PCDHGA8: variants seen among roughly 807,000 people sequenced by gnomAD.
PCDHGA8 encodes protocadherin gamma subfamily A, 8, also known as protocadherin gamma-A8.
Under a neutral mutation model 59.2 loss-of-function variants are expected in PCDHGA8, and 45 were observed. The observed-to-expected ratio is 0.76, with a 90% CI of 0.60 to 0.98. The LOEUF is 0.98. PCDHGA8 is among the 50% of genes least tolerant of loss of function. The probability of loss-of-function intolerance (pLI) is 0.00; values close to 1 mark genes in which losing one functional copy is unlikely to be tolerated. For synonymous variants in PCDHGA8, 531 were observed against 519.0 expected, an observed-to-expected ratio of 1.02 and a Z score of -0.32; for missense variants, 1,257 against 1,196.2, an observed-to-expected ratio of 1.05 and a Z score of -0.75.
intron 1 of PCDHGA8, chr5:141,421,895 GA>G: frequency 6.2e-7 from 1 of 1,613,730 alleles, no homozygotes; most frequent in African/African-American, 1.3e-5. Flanking sequence ...GATCCCATCC[GA>G]AAGGGCGCAG....
At position 141,414,671 on chromosome 5, in the gene PCDHGA8, C is replaced by A. The variant is rs115280317; in HGVS notation, c.2424+19434C>A. On this transcript the variant is annotated intron_variant, in intron 1 of 3. Coordinates refer to ENST00000398604, the MANE Select transcript of PCDHGA8 (RefSeq NM_032088.2). ...ATTATTTACTCCCTGGCTGAAGACA[C>A]CATCCAGGGGGTACCTCTGTCCTCA... 857 of 1,613,966 alleles carry A rather than the reference C, an allele frequency of 5.3e-4. 9 individuals carry two copies. In the African/African-American group the frequency reaches 0.01, roughly 19 times the overall value.
chr5:141,502,866 C>CTT (rs549047197), intron 2 of PCDHGA8, among the ~76,000 whole-genome samples: 3 of 128,046 alleles, frequency 2.3e-5, no homozygotes, highest in Non-Finnish European at 3.2e-5. Flanking sequence ...GACTCTCTGT[C>CTT]TTTTTTTTTT....
At chr5:141,475,815 C>T (rs2099373124) in intron 1 of PCDHGA8, 1 of 340,648 alleles carries the variant, frequency 2.9e-6, no homozygotes, top group Non-Finnish European at 5.3e-6. Flanking sequence ...AAGTGAAGTT[C>T]CTGGCGCTAG....
intron 1 of PCDHGA8, chr5:141,410,037 G>A: frequency 1.2e-6 from 2 of 1,613,250 alleles, no homozygotes; most frequent in Non-Finnish European, 1.7e-6. Flanking sequence ...CTGCAGGCCA[G>A]TGAGCCCGGA....
chr5:141,479,021 T>C (rs72790064), intron 1 of PCDHGA8, among the ~76,000 whole-genome samples: 1,892 of 152,352 alleles, frequency 0.012, 20 homozygotes, highest in Non-Finnish European at 0.018. Context: ...TAATTTTCCT[T>C]TGTTTATACA....
At chr5:141,468,560 T>G (rs571224791) in intron 1 of PCDHGA8, 1 of 152,004 alleles carries the variant, frequency 6.6e-6, no homozygotes, top group Non-Finnish European at 1.5e-5. Flanking sequence ...ATTTGTGATA[T>G]AGTAAACAAT....
At position 141,491,566 on chromosome 5, in the gene PCDHGA8, A is replaced by G; in HGVS notation, c.2425-3241A>G. Reference sequence around the variant, plus strand: ...AGACTCGCAGAGCCACTGCTACAGGACGTGCTTTTCACCGGCCTCGGACGG... The same window carrying G: ...AGACTCGCAGAGCCACTGCTACAGGGCGTGCTTTTCACCGGCCTCGGACGG... On this transcript the variant is annotated intron_variant, in intron 1 of 3. Transcript: ENST00000398604. This position sits in a 1 kb window ranked among gnomAD's most constrained non-coding sequence, Gnocchi z 6.9. 1 of 1,613,950 alleles carries G rather than the reference A, an allele frequency of 6.2e-7. No individual in the cohort carries two copies.
chr5:141,452,015 C>T (rs2098730990), intron 1 of PCDHGA8, among the ~76,000 whole-genome samples: 1 of 152,306 alleles, frequency 6.6e-6, no homozygotes, highest in African/African-American at 2.4e-5. Context: ...GTCCAGCCCA[C>T]ACTCTGGGGA....
chr5:141,408,475 C>A, intron 1 of PCDHGA8: 3 of 1,614,032 alleles, frequency 1.9e-6, no homozygotes, highest in Non-Finnish European at 1.7e-6. Flanking sequence ...ACCGAATAGA[C>A]CGTGAGCAAA....
Position 141,409,737 on chromosome 5 carries a change from G to C in PCDHGA8, c.2424+14500G>C, listed in dbSNP as rs199531162. The C allele has an allele frequency of 1.4e-3, 2,254 of 1,613,108 alleles. 2 individuals carry two copies. Among genetic ancestry groups the C allele is most frequent in the Non-Finnish European group, 1.8e-3 (2,079 of 1,179,866 alleles). On this transcript the variant is annotated intron_variant, in intron 1 of 3. Coordinates refer to ENST00000398604, the MANE Select transcript of PCDHGA8 (RefSeq NM_032088.2). ...TACGTGTCAGTGAGCGCGCAGAGCGGGGTGGTGTTCGCGCAGCGCGCCTTT... is the reference window on the plus strand; with the variant it reads ...TACGTGTCAGTGAGCGCGCAGAGCGCGGTGGTGTTCGCGCAGCGCGCCTTT...
At chr5:141,409,434 A>T in intron 1 of PCDHGA8, 2 of 1,613,992 alleles carry the variant, frequency 1.2e-6, no homozygotes, top group Non-Finnish European at 1.7e-6. Context: ...GGAGCCCTGG[A>T]CCGAGAGCAG....
intron 2 of PCDHGA8, among the ~76,000 whole-genome samples, chr5:141,503,518 G>A (rs576791899): frequency 6.7e-6 from 1 of 149,524 alleles, no homozygotes; most frequent in East Asian, 2.0e-4. Flanking sequence ...AGAATCACTT[G>A]AACCTGGGAG....
chr5:141,502,250 TA>T (rs2099813542), intron 2 of PCDHGA8, among the ~76,000 whole-genome samples: 1 of 152,242 alleles, frequency 6.6e-6, no homozygotes, highest in African/African-American at 2.4e-5. Flanking sequence ...TCCTTTTTTT[TA>T]ATCCAGGATT....
chr5:141,409,941 G>T, intron 1 of PCDHGA8: 1 of 1,613,226 alleles, frequency 6.2e-7, no homozygotes, highest in South Asian at 1.1e-5. Flanking sequence ...ATGGTACCTC[G>T]CTCTGCAGAG....
At chr5:141,505,302 G>A (rs1733345360) in intron 2 of PCDHGA8, 91 bp from the exon 3 acceptor site, 1 of 1,592,596 alleles carries the variant, frequency 6.3e-7, no homozygotes, top group Admixed American at 1.7e-5. Flanking sequence ...TAGGGTTAGG[G>A]TACTAGGTTT....
Position 141,489,391 on chromosome 5 carries a change from G to C in PCDHGA8, c.2425-5416G>C. 6.2e-7 allele frequency: 1 copy of C among 1,614,174 alleles called. No individual in the cohort carries two copies. The highest frequency in any genetic ancestry group is 8.5e-7 in the Non-Finnish European group (1 of 1,180,022). ...GACGCTGGTGGGGAATGTTGCTCAG[G>C]ATCTGGGCTTAAAGATGACAGATCT... On this transcript the variant is annotated intron_variant, in intron 1 of 3. Transcript: ENST00000398604. This position sits in a 1 kb window ranked among gnomAD's most constrained non-coding sequence, Gnocchi z 4.5.
Position 141,494,770 on chromosome 5 carries a change from C to T in PCDHGA8, c.2425-37C>T, listed in dbSNP as rs767006872. 43 of 1,614,022 alleles carry T rather than the reference C, an allele frequency of 2.7e-5. No homozygotes were observed. In the East Asian group the frequency reaches 7.6e-4, roughly 28 times the overall value. On this transcript the variant is annotated intron_variant, in intron 1 of 3. Coordinates refer to ENST00000398604, the MANE Select transcript of PCDHGA8 (RefSeq NM_032088.2). ...GCTCGGGTGACATTCTAACTTCTCA[C>T]GGGTACTCAGCCCCTTTCCCTCTGT...
At position 141,476,105 on chromosome 5, in the gene PCDHGA8, C is replaced by T; in HGVS notation, c.2425-18702C>T. ...ATCTGGACCCCGCTGAGAGGAACTG[C>T]TTTTGAGTGAGATGGTCCCAGAGGC... On this transcript the variant is annotated intron_variant, in intron 1 of 3. Coordinates refer to ENST00000398604, the MANE Select transcript of PCDHGA8 (RefSeq NM_032088.2). This position sits in a 1 kb window ranked among gnomAD's most constrained non-coding sequence, Gnocchi z 7.6. 2.5e-6 allele frequency: 4 copies of T among 1,585,450 alleles called. No homozygotes were observed. The highest frequency in any genetic ancestry group is 3.4e-6 in the Non-Finnish European group (4 of 1,168,874).
chr5:141,477,059 A>G lies in PCDHGA8; in HGVS notation c.2425-17748A>G. On this transcript the variant is annotated intron_variant, in intron 1 of 3. Coordinates refer to ENST00000398604, the MANE Select transcript of PCDHGA8 (RefSeq NM_032088.2). This position sits in a 1 kb window ranked among gnomAD's most constrained non-coding sequence, Gnocchi z 4.9. ...CAAGGGTCGGCTGGACTTCGAGGAC[A>G]CCAAACTCCATGAGATTTACATCCA... The G allele has an allele frequency of 1.2e-6, 2 of 1,614,238 alleles. No individual in the cohort carries two copies. Among genetic ancestry groups the G allele is most frequent in the Non-Finnish European group, 1.7e-6 (2 of 1,180,036 alleles).
Sources: gnomAD v4.1 joint callset for allele counts (sites outside exome capture counted in the v4.1 genomes callset) on GRCh38, gnomAD v4.1.1 for gene constraint, Gnocchi (gnomAD v3.1) non-coding constraint, MANE v1.5 for transcripts, NCBI Gene and HGNC (gene_info 2026-07-23, HGNC 2026-07-21) for gene names.